The following CRPPA variants were observed in gnomAD, a reference collection of about 807,000 sequenced individuals.
CRPPA encodes the protein CDP-L-ribitol pyrophosphorylase A.
CRPPA carries 43 observed loss-of-function variants against 52.0 expected under a neutral mutation model. The observed-to-expected ratio is 0.83, with a 90% CI of 0.65 to 1.07. The LOEUF is 1.07. Among genes scored for constraint, CRPPA ranks in the 50% least tolerant of loss-of-function variants. The probability of loss-of-function intolerance (pLI) is 0.00; values close to 1 mark genes in which losing one functional copy is unlikely to be tolerated. For synonymous variants in CRPPA, 250 were observed against 203.5 expected (o/e 1.23, Z -1.94); for missense variants, 629 against 551.7 (o/e 1.14, Z -1.40).
At chr7:16,393,465 G>A (rs1787492375) in intron 2 of CRPPA, among the ~76,000 whole-genome samples, 1 of 152,022 alleles carries the variant, frequency 6.6e-6, no homozygotes, top group Non-Finnish European at 1.5e-5. Context: ...GACAGAAGTG[G>A]CAGTGCAGGT....
chr7:16,311,500 T>C (rs189824194), intron 3 of CRPPA, among the ~76,000 whole-genome samples: 11 of 152,266 alleles, frequency 7.2e-5, no homozygotes, highest in Admixed American at 6.5e-4. Flanking sequence ...TTGGTGACTT[T>C]ATAGCTAATT....
At chr7:16,351,991 T>C (rs1002982617) in intron 3 of CRPPA, among the ~76,000 whole-genome samples, 9 of 152,114 alleles carry the variant, frequency 5.9e-5, no homozygotes, top group African/African-American at 1.9e-4. Context: ...CTATTTACAA[T>C]AGCAGAGACT....
intron 3 of CRPPA, among the ~76,000 whole-genome samples, chr7:16,338,546 G>A (rs1032676469): frequency 2.6e-5 from 4 of 151,874 alleles, no homozygotes. Flanking sequence ...AAAAAAAGAG[G>A]GTAAAAATTA....
intron 9 of CRPPA, among the ~76,000 whole-genome samples, chr7:16,193,811 G>C (rs137990023): frequency 2.5e-3 from 383 of 152,114 alleles, no homozygotes; most frequent in African/African-American, 8.6e-3. Flanking sequence ...TCCTCCGTGC[G>C]CTTATCCCCT....
chr7:16,360,924 A>G (rs1786426675), intron 3 of CRPPA, among the ~76,000 whole-genome samples: 1 of 152,208 alleles, frequency 6.6e-6, no homozygotes, highest in Admixed American at 6.5e-5. Context: ...GTATCAATAA[A>G]AAAAGCAATC....
chr7:16,173,657 T>A (rs926741575), intron 9 of CRPPA, among the ~76,000 whole-genome samples: 4 of 152,210 alleles, frequency 2.6e-5, no homozygotes, highest in African/African-American at 9.6e-5. Context: ...TAGAATATGA[T>A]AAAATGAGAG....
intron 6 of CRPPA, chr7:16,269,765 C>A (rs1784048385): frequency 6.6e-6 from 1 of 152,120 alleles, no homozygotes; most frequent in African/African-American, 2.4e-5. Flanking sequence ...AACAGAATAA[C>A]CTACTCTGTG....
At chr7:16,170,535 C>G (rs1470674997) in intron 9 of CRPPA, among the ~76,000 whole-genome samples, 1 of 152,210 alleles carries the variant, frequency 6.6e-6, no homozygotes, top group Non-Finnish European at 1.5e-5. Context: ...AAAGAGTGAG[C>G]AGCAGCAAGA....
intron 9 of CRPPA, among the ~76,000 whole-genome samples, chr7:16,125,947 AATG>A (rs1183659258): frequency 6.6e-6 from 1 of 151,652 alleles, no homozygotes; most frequent in Admixed American, 6.6e-5. Context: ...ATACATACAT[AATG>A]ATACTAGAAA....
At chr7:16,208,074 A>G (rs1782016497) in intron 9 of CRPPA, among the ~76,000 whole-genome samples, 1 of 152,190 alleles carries the variant, frequency 6.6e-6, no homozygotes, top group South Asian at 2.1e-4. Context: ...AATTGCAACA[A>G]CACTATTTTC....
At chr7:16,194,046 T>G (rs972929828) in intron 9 of CRPPA, among the ~76,000 whole-genome samples, 1 of 152,064 alleles carries the variant, frequency 6.6e-6, no homozygotes, top group African/African-American at 2.4e-5. Context: ...ATACTTAACA[T>G]AGAATTAAAC....
chr7:16,117,166 T>C (rs2128368735), intron 9 of CRPPA, among the ~76,000 whole-genome samples: 1 of 152,332 alleles, frequency 6.6e-6, no homozygotes, highest in African/African-American at 2.4e-5. Context: ...TTAAGAAACA[T>C]GCTTTCAGTA....
At chr7:16,338,158 C>G (rs1444734990) in intron 3 of CRPPA, among the ~76,000 whole-genome samples, 1 of 152,006 alleles carries the variant, frequency 6.6e-6, no homozygotes, top group African/African-American at 2.4e-5. Flanking sequence ...TATTAGCAAA[C>G]CAAATTAAAA....
chr7:16,300,035 C>T (rs930863693), intron 5 of CRPPA, among the ~76,000 whole-genome samples: 2 of 152,110 alleles, frequency 1.3e-5, no homozygotes, highest in Admixed American at 1.3e-4. Flanking sequence ...ATCATTCAGC[C>T]GACTTTTCCA....
At position 16,108,906 on chromosome 7, in the gene CRPPA, C is replaced by T. The variant is rs190339727; in HGVS notation, c.1252-17107G>A. On this transcript the variant is annotated intron_variant, in intron 9 of 9. Transcript: ENST00000407010. Reference sequence around the variant, plus strand: ...GAAAAATTTGTTAAATATTTTGCGACAAATAGAAATGAGAACACAACAGCA... The same window carrying T: ...GAAAAATTTGTTAAATATTTTGCGATAAATAGAAATGAGAACACAACAGCA... Among the ~76,000 whole-genome samples the T allele has an allele frequency of 8.1e-4, 123 of 151,638 alleles. 1 individual carries two copies. Among genetic ancestry groups the T allele is most frequent in the African/African-American group, 3.0e-3 (123 of 41,426 alleles).
intron 3 of CRPPA, among the ~76,000 whole-genome samples, chr7:16,360,876 A>T (rs577143146): frequency 1.3e-5 from 2 of 152,300 alleles, no homozygotes; most frequent in Non-Finnish European, 2.9e-5. Context: ...AATAAATTAG[A>T]CCATATCTAA....
chr7:16,105,305 T>A (rs527254547), intron 9 of CRPPA, among the ~76,000 whole-genome samples: 2 of 152,250 alleles, frequency 1.3e-5, no homozygotes, highest in East Asian at 3.9e-4. Flanking sequence ...ATGAGAAAGG[T>A]AAGAAGAATG....
intron 5 of CRPPA, among the ~76,000 whole-genome samples, chr7:16,279,660 G>C (rs1012960109): frequency 6.6e-6 from 1 of 152,196 alleles, no homozygotes. Context: ...ATAATACAAT[G>C]AGCTAGGAGC....
In CRPPA at chr7:16,092,700, TAA is replaced by T. The variant is rs1781860224; in HGVS notation, c.1252-903_1252-902del. ...CACAGGGAAGTCAAAATACTTATTT[TAA>T]AATATAGATCTGATCACATCAGTAT... On this transcript the variant is annotated intron_variant, in intron 9 of 9. Coordinates refer to ENST00000407010, the MANE Select transcript of CRPPA (RefSeq NM_001101426.4). 2.0e-5 allele frequency among the ~76,000 whole-genome samples: 3 copies of T among 152,190 alleles called. No individual in the cohort carries two copies. In the South Asian group the frequency reaches 6.2e-4, roughly 31 times the overall value.
Sources: gnomAD v4.1 joint callset for allele counts (sites outside exome capture counted in the v4.1 genomes callset) on GRCh38, gnomAD v4.1.1 for gene constraint, MANE v1.5 for transcripts, NCBI Gene and HGNC (gene_info 2026-07-23, HGNC 2026-07-21) for gene names.